Variants in LGALS3 observed in about 807,000 individuals in gnomAD.
LGALS3 encodes galectin 3.
A neutral mutation model predicts 20.7 loss-of-function variants in LGALS3; 18 were observed. That is an observed-to-expected ratio of 0.87 (90% CI 0.60 to 1.29). LGALS3 has a LOEUF of 1.29. LGALS3 is among the 50% of genes most tolerant of loss of function. The pLI, the probability that LGALS3 is intolerant of heterozygous loss-of-function variation, is 0.00. For synonymous variants in LGALS3, 112 were observed against 119.6 expected, an observed-to-expected ratio of 0.94 and a Z score of 0.42; for missense variants, 315 against 314.7, an observed-to-expected ratio of 1.00 and a Z score of -0.01.
intron 3 of LGALS3, 119 bp downstream of exon 3, chr14:55,138,487 A>G: frequency 9.5e-7 from 1 of 1,056,762 alleles, no homozygotes; most frequent in Non-Finnish European, 1.5e-6. Context: ...GTATGTTGGT[A>G]GAGTCAAAAA....
intron 1 of LGALS3, among the ~76,000 whole-genome samples, chr14:55,133,144 A>T (rs1881279996): frequency 6.6e-6 from 1 of 152,214 alleles, no homozygotes; most frequent in Non-Finnish European, 1.5e-5. Context: ...TTTCACAATG[A>T]AGTAATTAAC....
At chr14:55,139,288 G>C (rs753959968) in intron 3 of LGALS3, among the ~76,000 whole-genome samples, 5 of 152,192 alleles carry the variant, frequency 3.3e-5, no homozygotes, top group Non-Finnish European at 5.9e-5. Context: ...GACTTTTCAA[G>C]GCTGAGCAAC....
At chr14:55,139,516 T>G (rs1881543492) in intron 3 of LGALS3, among the ~76,000 whole-genome samples, 1 of 152,150 alleles carries the variant, frequency 6.6e-6, no homozygotes, top group African/African-American at 2.4e-5. Flanking sequence ...ATCCCACCAC[T>G]GTGGGAGGCT....
chr14:55,137,058 T>A, intron 1 of LGALS3: 1 of 469,460 alleles, frequency 2.1e-6, no homozygotes, highest in Non-Finnish European at 3.9e-6. Context: ...TCAGTAGTAA[T>A]CAATCACTGC....
Position 55,138,102 on chromosome 14 carries a change from T to C in LGALS3, c.76T>C (p.Trp26Arg), listed in dbSNP as rs1198895845. The change falls in exon 3 of 6, where the codon TGG becomes CGG. Residue 26 changes from tryptophan to arginine, a missense_variant. Trp to Arg is a moderately radical substitution (Grantham distance 101). Transcript: ENST00000254301. Reference sequence around the variant, plus strand: ...AAACCCTCAAGGATGGCCTGGCGCATGGGGGAACCAGCCTGCTGGGGCAGG... The same window carrying C: ...AAACCCTCAAGGATGGCCTGGCGCACGGGGGAACCAGCCTGCTGGGGCAGG... ...NPNPQGWPGA[W>R]GNQPAGAGGY... The C allele has an allele frequency of 3.3e-6, 5 of 1,535,424 alleles. No individual in the cohort carries two copies. In the African/African-American group the frequency reaches 4.2e-5, roughly 13 times the overall value.
At chr14:55,134,247 G>A (rs1252742411) in intron 1 of LGALS3, among the ~76,000 whole-genome samples, 1 of 152,160 alleles carries the variant, frequency 6.6e-6, no homozygotes. Flanking sequence ...TGGTATGCTG[G>A]AGTTCTGGCA....
At chr14:55,144,074 A>T (rs1881729035) in intron 5 of LGALS3, among the ~76,000 whole-genome samples, 2 of 151,940 alleles carry the variant, frequency 1.3e-5, no homozygotes, top group South Asian at 4.1e-4. Context: ...ATTATCATCA[A>T]TCCTTACAAC....
At chr14:55,141,688 A>T (rs915760814) in intron 4 of LGALS3, among the ~76,000 whole-genome samples, 4 of 152,262 alleles carry the variant, frequency 2.6e-5, no homozygotes, top group Admixed American at 2.0e-4. Flanking sequence ...GACAGAGATG[A>T]CAACATTGTA....
At chr14:55,137,417 C>T (rs1566781631) in intron 2 of LGALS3, 26 bp downstream of exon 2, 1 of 1,614,110 alleles carries the variant, frequency 6.2e-7, no homozygotes. Context: ...CTGTTTCTTC[C>T]CCTTGATCAG....
intron 3 of LGALS3, among the ~76,000 whole-genome samples, chr14:55,139,989 A>T (rs1881560472): frequency 6.6e-6 from 1 of 152,234 alleles, no homozygotes; most frequent in African/African-American, 2.4e-5. Context: ...TGTTGATCAC[A>T]AGATCTAGCT....
intron 4 of LGALS3, chr14:55,140,585 T>C (rs1373978183): frequency 1.1e-5 from 5 of 462,000 alleles, no homozygotes; most frequent in African/African-American, 9.9e-5. Context: ...ATGGCACTCA[T>C]AGTAAACGGT....
At position 55,145,213 on chromosome 14, in the gene LGALS3, G is replaced by T. The variant is rs974856973; in HGVS notation, c.695G>T (p.Ser232Ile). ...NHRVKKLNEI[S>I]KLGISGDIDL... ...CGGGTTAAAAAACTCAATGAAATCA[G>T]CAAACTGGGAATTTCTGGTGACATA... Residue 232 changes from serine to isoleucine, a missense_variant, in exon 6 of 6, where the codon AGC becomes ATC. Ser to Ile is a moderately radical substitution (Grantham distance 142). Coordinates refer to ENST00000254301, the MANE Select transcript of LGALS3 (RefSeq NM_002306.4). 1.2e-6 allele frequency: 2 copies of T among 1,613,212 alleles called. No homozygotes were observed. Among genetic ancestry groups the T allele is most frequent in the Non-Finnish European group, 1.7e-6 (2 of 1,179,814 alleles).
At chr14:55,142,814 C>G (rs142627260) in intron 5 of LGALS3, 65 bp downstream of exon 5, 2 of 1,338,656 alleles carry the variant, frequency 1.5e-6, no homozygotes, top group African/African-American at 2.9e-5. Flanking sequence ...CTCTAAAACC[C>G]CAAAGCACTT....
At chr14:55,138,477 G>T (rs768440259) in intron 3 of LGALS3, 109 bp downstream of exon 3, 195 of 1,164,706 alleles carry the variant, frequency 1.7e-4, no homozygotes, top group Non-Finnish European at 2.4e-4. Flanking sequence ...AGCCATGGGT[G>T]TATGTTGGTA....
intron 1 of LGALS3, chr14:55,137,086 G>C (rs1566781511): frequency 9.4e-6 from 5 of 531,894 alleles, no homozygotes; most frequent in Non-Finnish European, 1.7e-5. Flanking sequence ...CAAAAACCCA[G>C]AGTAGGGGAT....
intron 1 of LGALS3, among the ~76,000 whole-genome samples, chr14:55,131,397 T>C (rs1881228238): frequency 1.3e-5 from 2 of 152,238 alleles, no homozygotes; most frequent in African/African-American, 4.8e-5. Context: ...ATAATTTAGG[T>C]ACCTTTTTAC....
intron 4 of LGALS3, among the ~76,000 whole-genome samples, chr14:55,141,339 C>T (rs576010506): frequency 6.6e-6 from 1 of 152,178 alleles, no homozygotes; most frequent in Non-Finnish European, 1.5e-5. Flanking sequence ...AAAATATATA[C>T]ATCCTCTACC....
intron 1 of LGALS3, among the ~76,000 whole-genome samples, chr14:55,136,868 T>C (rs1358453127): frequency 1.5e-5 from 2 of 136,536 alleles, no homozygotes; most frequent in African/African-American, 5.4e-5. Flanking sequence ...CTCTGTGGGC[T>C]CAATTGTTTT....
intron 2 of LGALS3, chr14:55,137,682 A>G (rs1336926041): frequency 1.9e-5 from 27 of 1,406,038 alleles, no homozygotes; most frequent in Non-Finnish European, 2.4e-5. Flanking sequence ...TCCTCTGAGT[A>G]GCGGGAAGTG....
Sources: gnomAD v4.1 joint callset for allele counts (sites outside exome capture counted in the v4.1 genomes callset) on GRCh38, gnomAD v4.1.1 for gene constraint, MANE v1.5 for transcripts, NCBI Gene and HGNC (gene_info 2026-07-23, HGNC 2026-07-21) for gene names.